The following LRRC20 variants were observed in gnomAD, a reference collection of about 807,000 sequenced individuals.
LRRC20 encodes the protein leucine rich repeat containing 20, also known as leucine-rich repeat-containing protein 20.
A neutral mutation model predicts 14.4 loss-of-function variants in LRRC20; 11 were observed. The observed-to-expected ratio is 0.77, with a 90% confidence interval of 0.48 to 1.27. The LOEUF (loss-of-function observed/expected upper bound fraction) is 1.27, where lower values mean the gene tolerates loss of function less well. LRRC20 is among the 50% of genes most tolerant of loss of function. LRRC20 has a pLI of 0.00. For synonymous variants in LRRC20, 121 were observed against 107.3 expected (o/e 1.13, Z -0.79); for missense variants, 219 against 251.2 (o/e 0.87, Z 0.87).
chr10:70,355,272 C>A (rs1418842076), intron 2 of LRRC20, among the ~76,000 whole-genome samples: 1 of 152,196 alleles, frequency 6.6e-6, no homozygotes, highest in Non-Finnish European at 1.5e-5. Flanking sequence ...CTCTAAAAGG[C>A]TTAAGACAAA....
intron 4 of LRRC20, among the ~76,000 whole-genome samples, chr10:70,314,044 G>A (rs1841765451): frequency 6.6e-6 from 1 of 152,124 alleles, no homozygotes; most frequent in African/African-American, 2.4e-5. Context: ...AGGTGAAAGG[G>A]GAAACCCTTT....
At chr10:70,351,718 T>C (rs1843318809) in intron 2 of LRRC20, among the ~76,000 whole-genome samples, 1 of 152,166 alleles carries the variant, frequency 6.6e-6, no homozygotes, top group South Asian at 2.1e-4. Flanking sequence ...TAGCAGCAAC[T>C]AGAATCATGG....
At chr10:70,305,996 TC>T (rs930087595) in intron 4 of LRRC20, among the ~76,000 whole-genome samples, 10 of 152,064 alleles carry the variant, frequency 6.6e-5, no homozygotes, top group Non-Finnish European at 1.0e-4. Flanking sequence ...CACCTCTGCC[TC>T]CCAAAGTGCT....
At chr10:70,369,198 G>C (rs184649845) in intron 2 of LRRC20, among the ~76,000 whole-genome samples, 2 of 152,202 alleles carry the variant, frequency 1.3e-5, no homozygotes, top group African/African-American at 2.4e-5. Flanking sequence ...TGGGAGGAGA[G>C]GCAGGTGTGT....
At chr10:70,309,883 A>G (rs925685518) in intron 4 of LRRC20, among the ~76,000 whole-genome samples, 2 of 152,210 alleles carry the variant, frequency 1.3e-5, no homozygotes, top group Non-Finnish European at 2.9e-5. Flanking sequence ...CAGCCCCGGA[A>G]CACATCCCCA....
At chr10:70,334,036 G>C (rs1842630922) in intron 3 of LRRC20, among the ~76,000 whole-genome samples, 1 of 152,098 alleles carries the variant, frequency 6.6e-6, no homozygotes, top group Non-Finnish European at 1.5e-5. Flanking sequence ...TGTAATCCCA[G>C]CTACTCGGGA....
intron 3 of LRRC20, among the ~76,000 whole-genome samples, chr10:70,326,792 A>G (rs1276665108): frequency 6.6e-6 from 1 of 152,156 alleles, no homozygotes; most frequent in African/African-American, 2.4e-5. Flanking sequence ...AGCTGGGACT[A>G]CAGGCACCCG....
intron 2 of LRRC20, among the ~76,000 whole-genome samples, chr10:70,347,883 G>A (rs996844826): frequency 2.0e-4 from 30 of 151,510 alleles, no homozygotes; most frequent in Non-Finnish European, 3.4e-4. Context: ...AGCCCTCTGC[G>A]GCTTCATCTG....
At chr10:70,370,291 G>A (rs544360930) in intron 2 of LRRC20, among the ~76,000 whole-genome samples, 4 of 152,072 alleles carry the variant, frequency 2.6e-5, no homozygotes, top group Non-Finnish European at 5.9e-5. Context: ...AAGCAATCAC[G>A]ACCCCTCCAG....
intron 3 of LRRC20, among the ~76,000 whole-genome samples, chr10:70,339,316 G>T (rs7095563): frequency 0.56 from 84,683 of 152,080 alleles, 23,781 homozygotes; most frequent in African/African-American, 0.62. Context: ...TTCTGGCTAG[G>T]AGGCTGTGGC....
At chr10:70,378,745 C>A (rs1377663532) in intron 1 of LRRC20, among the ~76,000 whole-genome samples, 13 of 145,844 alleles carry the variant, frequency 8.9e-5, no homozygotes, top group Non-Finnish European at 1.3e-4. Context: ...GCACTCCAGC[C>A]TGGGCAACAA....
At chr10:70,345,852 A>G (rs1016719333) in intron 2 of LRRC20, among the ~76,000 whole-genome samples, 1 of 152,192 alleles carries the variant, frequency 6.6e-6, no homozygotes, top group African/African-American at 2.4e-5. Flanking sequence ...TTCATGGTTA[A>G]TTAACTGTTT....
Position 70,377,240 on chromosome 10 carries a change from T to C in LRRC20, c.-63-644A>G, listed in dbSNP as rs944464521. ...CCTGCAGACCTGATTATCAGCCTGA[T>C]GCTGAGTTTATCTGCAAGAAAAGCG... On this transcript the variant is annotated intron_variant, in intron 1 of 4. Transcript: ENST00000446961. 9.8e-5 allele frequency among the ~76,000 whole-genome samples: 15 copies of C among 152,306 alleles called. 1 individual carries two copies. The South Asian group carries it at 3.1e-3, about 32-fold the overall frequency.
At chr10:70,320,351 G>T (rs560148560) in intron 4 of LRRC20, among the ~76,000 whole-genome samples, 1 of 138,162 alleles carries the variant, frequency 7.2e-6, no homozygotes, top group African/African-American at 2.6e-5. Flanking sequence ...AGATAGATCT[G>T]TGCATGCACA....
At chr10:70,369,160 G>A (rs907550644) in intron 2 of LRRC20, among the ~76,000 whole-genome samples, 2 of 152,202 alleles carry the variant, frequency 1.3e-5, no homozygotes, top group South Asian at 4.1e-4. Context: ...AAGGAACAGG[G>A]TGGGCTCACT....
intron 3 of LRRC20, among the ~76,000 whole-genome samples, chr10:70,328,909 G>A (rs1842428897): frequency 6.6e-6 from 1 of 152,154 alleles, no homozygotes; most frequent in Non-Finnish European, 1.5e-5. Flanking sequence ...CAGAGTGAGA[G>A]CGAGACTCTC....
intron 1 of LRRC20, among the ~76,000 whole-genome samples, chr10:70,382,203 G>A (rs1251241358): frequency 6.6e-6 from 1 of 152,246 alleles, no homozygotes; most frequent in African/African-American, 2.4e-5. Context: ...GCCTCTCCAA[G>A]CAAGGGCGCC....
At chr10:70,312,624 T>A (rs1373512069) in intron 4 of LRRC20, among the ~76,000 whole-genome samples, 1 of 152,204 alleles carries the variant, frequency 6.6e-6, no homozygotes, top group African/African-American at 2.4e-5. Context: ...CTGAGTCTCC[T>A]GCTGACGATG....
intron 4 of LRRC20, among the ~76,000 whole-genome samples, chr10:70,321,615 C>T (rs919687539): frequency 6.6e-6 from 1 of 152,204 alleles, no homozygotes; most frequent in Non-Finnish European, 1.5e-5. Context: ...GAGCAGCTGG[C>T]CACTTGGGGT....
Sources: gnomAD v4.1 joint callset for allele counts (sites outside exome capture counted in the v4.1 genomes callset) on GRCh38, gnomAD v4.1.1 for gene constraint, MANE v1.5 for transcripts, NCBI Gene and HGNC (gene_info 2026-07-23, HGNC 2026-07-21) for gene names.